The following GMDS variants were observed in gnomAD, a reference collection of about 807,000 sequenced individuals.
The protein encoded by GMDS is GDP-mannose 4,6 dehydratase.
A neutral mutation model predicts 49.9 loss-of-function variants in GMDS; 20 were observed. The ratio of observed to expected loss-of-function variants is 0.40; its 90% CI spans 0.28 to 0.58. The LOEUF is 0.58. GMDS is among the 20% of genes least tolerant of loss of function. The probability of loss-of-function intolerance (pLI) is 0.42; values close to 1 mark genes in which losing one functional copy is unlikely to be tolerated. For synonymous variants in GMDS, 177 were observed against 178.6 expected (o/e 0.99, Z 0.07); for missense variants, 362 against 481.4 (o/e 0.75, Z 2.32).
chr6:1,759,056 G>A (rs898122316), intron 7 of GMDS, among the ~76,000 whole-genome samples: 7 of 152,090 alleles, frequency 4.6e-5, no homozygotes, highest in African/African-American at 1.7e-4. Flanking sequence ...TAGAGTAGCT[G>A]GGACTACAGG....
chr6:1,782,690 G>T (rs1769152686), intron 7 of GMDS, among the ~76,000 whole-genome samples: 1 of 152,202 alleles, frequency 6.6e-6, no homozygotes, highest in Non-Finnish European at 1.5e-5. Context: ...TTGTTAGGAA[G>T]GAATAAGTAC....
intron 1 of GMDS, among the ~76,000 whole-genome samples, chr6:2,235,272 C>T (rs1014069748): frequency 5.3e-5 from 8 of 152,214 alleles, no homozygotes; most frequent in African/African-American, 1.4e-4. Context: ...CTGAGCTAGA[C>T]TTCTTCAGGC....
chr6:2,125,384 C>T (rs932285625), intron 1 of GMDS, among the ~76,000 whole-genome samples: 1 of 152,126 alleles, frequency 6.6e-6, no homozygotes, highest in African/African-American at 2.4e-5. Flanking sequence ...CCACCGTGGC[C>T]TCCCAAACTG....
At chr6:1,958,103 G>A (rs1203057689) in intron 6 of GMDS, among the ~76,000 whole-genome samples, 1 of 145,400 alleles carries the variant, frequency 6.9e-6, no homozygotes, top group Admixed American at 7.2e-5. Context: ...ACTGTGCCTG[G>A]CCTTAAAATA....
chr6:2,082,473 G>A (rs1772771397), intron 4 of GMDS, among the ~76,000 whole-genome samples: 1 of 152,196 alleles, frequency 6.6e-6, no homozygotes, highest in African/African-American at 2.4e-5. Context: ...TTGCAGGCAT[G>A]GGCTCCTATC....
intron 7 of GMDS, among the ~76,000 whole-genome samples, chr6:1,841,995 A>T (rs960469494): frequency 6.6e-6 from 1 of 152,194 alleles, no homozygotes; most frequent in South Asian, 2.1e-4. Context: ...AATGGCATTC[A>T]GACTTCTACG....
chr6:2,167,585 G>A (rs182021318), intron 1 of GMDS, among the ~76,000 whole-genome samples: 4 of 151,942 alleles, frequency 2.6e-5, no homozygotes, highest in South Asian at 2.1e-4. Flanking sequence ...GAAGACATAC[G>A]ATGCCCTTAT....
chr6:2,078,406 G>A (rs189390955), intron 4 of GMDS, among the ~76,000 whole-genome samples: 1 of 152,122 alleles, frequency 6.6e-6, no homozygotes, highest in Non-Finnish European at 1.5e-5. Flanking sequence ...GGCATTTATT[G>A]CTATAAACTT....
At chr6:1,636,780 GA>G (rs1763164605) in intron 9 of GMDS, among the ~76,000 whole-genome samples, 1 of 152,248 alleles carries the variant, frequency 6.6e-6, no homozygotes, top group African/African-American at 2.4e-5. Context: ...GTGGGCCCCG[GA>G]AGGTCTGCCC....
intron 1 of GMDS, among the ~76,000 whole-genome samples, chr6:2,170,722 G>A (rs1366864058): frequency 3.9e-5 from 6 of 152,076 alleles, no homozygotes; most frequent in African/African-American, 7.2e-5. Flanking sequence ...CAGGCCAGGC[G>A]CGGTGGTTCA....
chr6:1,991,968 G>A (rs190394583), intron 4 of GMDS, among the ~76,000 whole-genome samples: 275 of 152,332 alleles, frequency 1.8e-3, no homozygotes, highest in African/African-American at 6.4e-3. Context: ...AGGCCAAATC[G>A]CTGCAAATCC....
At chr6:1,781,177 T>C (rs747737382) in intron 7 of GMDS, among the ~76,000 whole-genome samples, 1 of 151,938 alleles carries the variant, frequency 6.6e-6, no homozygotes, top group Non-Finnish European at 1.5e-5. Context: ...GGCCTTGTGT[T>C]TCAGGGAACC....
At position 1,983,425 on chromosome 6, in the gene GMDS, C is replaced by T. The variant is rs531152731; in HGVS notation, c.346-22459G>A. ...GCTTCTGTACAGCAAAAGAAACGAT[C>T]AACAGAGTAAACAGACAACCTACAG... On this transcript the variant is annotated intron_variant, in intron 4 of 10. Transcript: ENST00000380815. 1.4e-3 allele frequency among the ~76,000 whole-genome samples: 211 copies of T among 152,204 alleles called. 1 individual carries two copies. Among genetic ancestry groups the T allele is most frequent in the African/African-American group, 4.9e-3 (204 of 41,516 alleles).
chr6:2,066,570 T>A (rs1771608131), intron 4 of GMDS, among the ~76,000 whole-genome samples: 1 of 151,712 alleles, frequency 6.6e-6, no homozygotes, highest in African/African-American at 2.4e-5. Flanking sequence ...AGGATGAAGA[T>A]CTACCAAGCA....
Position 1,959,962 on chromosome 6 carries a change from T to C in GMDS, c.548A>G (p.Lys183Arg). The C allele has an allele frequency of 6.3e-7, 1 of 1,591,472 alleles. No individual in the cohort carries two copies. The highest frequency in any genetic ancestry group is 8.6e-7 in the Non-Finnish European group (1 of 1,168,916). Residue 183 changes from lysine to arginine, a missense_variant, in exon 6 of 11, where the codon AAA becomes AGA. Lys to Arg is a conservative substitution (Grantham distance 26). Coordinates refer to ENST00000380815, the MANE Select transcript of GMDS (RefSeq NM_001500.4). ...CACCACAATCCAATAGGCATAGAGT[T>C]TTGCTGCCCCTGTTGGAATAATTTT... ...FYPRSPYGAA[K>R]LYAYWIVVNF...
chr6:2,083,894 T>C (rs1166555967), intron 4 of GMDS, among the ~76,000 whole-genome samples: 1 of 152,156 alleles, frequency 6.6e-6, no homozygotes, highest in African/African-American at 2.4e-5. Flanking sequence ...ATGGCCCACA[T>C]TAACAGAAAT....
chr6:1,937,320 G>C (rs1397881228), intron 6 of GMDS, among the ~76,000 whole-genome samples: 1 of 152,154 alleles, frequency 6.6e-6, no homozygotes. Context: ...CTAGAAAAAA[G>C]CTTCAACATT....
At chr6:1,911,612 A>G (rs557164296) in intron 7 of GMDS, among the ~76,000 whole-genome samples, 27 of 152,138 alleles carry the variant, frequency 1.8e-4, no homozygotes, top group Non-Finnish European at 3.1e-4. Flanking sequence ...TGAGAGTATG[A>G]TATGCCTTCC....
At chr6:2,113,669 CA>C (rs1315544227) in intron 4 of GMDS, among the ~76,000 whole-genome samples, 28 of 152,118 alleles carry the variant, frequency 1.8e-4, no homozygotes, top group Admixed American at 1.8e-3. Context: ...CATCTACCCC[CA>C]GACGGAAGTT....
Sources: gnomAD v4.1 joint callset for allele counts (sites outside exome capture counted in the v4.1 genomes callset) on GRCh38, gnomAD v4.1.1 for gene constraint, MANE v1.5 for transcripts, NCBI Gene and HGNC (gene_info 2026-07-23, HGNC 2026-07-21) for gene names.